The following F8 variants were observed in gnomAD, a reference collection of about 807,000 sequenced individuals.
The protein encoded by F8 is antihemophilic factor.
In F8, 12 loss-of-function variants were observed where a neutral mutation model predicts 140.6. The ratio of observed to expected loss-of-function variants is 0.09; its 90% CI spans 0.05 to 0.14. F8 has a LOEUF of 0.14. F8 is among the 10% of genes least tolerant of loss of function. The pLI is 1.00. For missense variants in F8, 1,354 were observed against 1,720.7 expected (o/e 0.79, Z 3.77); for synonymous variants, 585 against 614.6 (o/e 0.95, Z 0.71).
chrX:154,940,868 C>G (rs1405361321), intron 13 of F8, among the ~76,000 whole-genome samples: 3 of 112,089 alleles, frequency 2.7e-5, no homozygotes, highest in African/African-American at 9.7e-5. Flanking sequence ...ATTCAACATT[C>G]TTAAAGAAAA....
chrX:154,843,776 C>A (rs782190067), intron 25 of F8, among the ~76,000 whole-genome samples: 4 of 111,789 alleles, frequency 3.6e-5, no homozygotes, highest in Non-Finnish European at 7.5e-5. Context: ...TTTTGCTGTG[C>A]GGAAGCTCTT....
intron 20 of F8, among the ~76,000 whole-genome samples, chrX:154,900,623 T>C (rs1488787270): frequency 2.7e-5 from 3 of 112,499 alleles, no homozygotes; most frequent in African/African-American, 9.7e-5. Context: ...TTTTAAAATG[T>C]AACCCTTCCA....
intron 1 of F8, among the ~76,000 whole-genome samples, chrX:155,013,812 C>A (rs2124166064): frequency 9.0e-6 from 1 of 111,690 alleles, no homozygotes. Flanking sequence ...GAGCCCTCTT[C>A]CCAGCTGGTA....
intron 14 of F8, among the ~76,000 whole-genome samples, chrX:154,913,735 G>A (rs1557276913): frequency 8.9e-6 from 1 of 112,834 alleles, no homozygotes; most frequent in African/African-American, 3.2e-5. Context: ...GATACAAAAG[G>A]CAGGCTCCCA....
chrX:154,980,369 C>A (rs1429090139), intron 6 of F8, among the ~76,000 whole-genome samples: 1 of 111,134 alleles, frequency 9.0e-6, no homozygotes, highest in Non-Finnish European at 1.9e-5. Flanking sequence ...CCTTCAATTT[C>A]TCTGTTAAAT....
At chrX:154,877,395 G>T in intron 22 of F8, among the ~76,000 whole-genome samples, 1 of 112,187 alleles carries the variant, frequency 8.9e-6, no homozygotes, top group Non-Finnish European at 1.9e-5. Flanking sequence ...AGTCACAAAG[G>T]TGCAATGTTA....
At chrX:154,859,304 CTTTTTTT>C (rs782710528) in intron 25 of F8, among the ~76,000 whole-genome samples, 1 of 95,558 alleles carries the variant, frequency 1.0e-5, no homozygotes, top group Non-Finnish European at 2.1e-5. Context: ...AGCGTATTTT[CTTTTTTT>C]TTTTTTTTTG....
At chrX:154,985,293 G>A (rs1051844804) in intron 5 of F8, among the ~76,000 whole-genome samples, 8 of 110,385 alleles carry the variant, frequency 7.2e-5, no homozygotes, top group African/African-American at 1.3e-4. Context: ...CAAATTAGGC[G>A]GGCATGGTGG....
chrX:154,940,716 G>T (rs1025065768), intron 13 of F8, among the ~76,000 whole-genome samples: 2 of 111,817 alleles, frequency 1.8e-5, no homozygotes, highest in African/African-American at 3.3e-5. Context: ...ATAATTGTCA[G>T]ATTCACCAAA....
intron 1 of F8, among the ~76,000 whole-genome samples, chrX:155,018,070 G>A (rs1206070653): frequency 9.5e-6 from 1 of 105,230 alleles, no homozygotes; most frequent in Non-Finnish European, 1.9e-5. Context: ...GTTTTGCCAT[G>A]TTGGCTAGGC....
intron 25 of F8, among the ~76,000 whole-genome samples, chrX:154,848,577 C>T (rs782155212): frequency 8.9e-6 from 1 of 112,337 alleles, no homozygotes; most frequent in East Asian, 2.8e-4. Context: ...GGTGTGGGAC[C>T]CTCTGAGCCA....
At chrX:154,888,407 C>T (rs75274395) in intron 22 of F8, among the ~76,000 whole-genome samples, 1,616 of 7,179 alleles carry the variant, frequency 0.23, 51 homozygotes, top group African/African-American at 0.41. Flanking sequence ...TTTTTTTTTT[C>T]CCCCCGAGAT....
At chrX:154,872,940 C>T (rs1287743744) in intron 22 of F8, among the ~76,000 whole-genome samples, 5 of 110,379 alleles carry the variant, frequency 4.5e-5, no homozygotes, top group Non-Finnish European at 9.5e-5. Context: ...ACAATAGCAA[C>T]AAAAGAATAA....
At chrX:154,967,587 T>A (rs1056805423) in intron 7 of F8, among the ~76,000 whole-genome samples, 1 of 111,743 alleles carries the variant, frequency 8.9e-6, no homozygotes, top group Non-Finnish European at 1.9e-5. Flanking sequence ...AAGTGTTTGG[T>A]CTGAGGTTCA....
chrX:155,000,613 T>A (rs782044347), intron 1 of F8, among the ~76,000 whole-genome samples: 2 of 112,185 alleles, frequency 1.8e-5, no homozygotes, highest in South Asian at 7.4e-4. Flanking sequence ...CTTTCATGTG[T>A]AGATCTAAAA....
chrX:154,861,566 G>T, intron 24 of F8, 152 bp downstream of exon 24: 1 of 611,516 alleles, frequency 1.6e-6, no homozygotes, highest in Non-Finnish European at 2.7e-6. Context: ...AAATGCCTGT[G>T]TGGTTGTCTG....
At chrX:154,860,399 T>C (rs2072681030) in intron 25 of F8, 33 bp downstream of exon 25, 1 of 1,198,287 alleles carries the variant, frequency 8.3e-7, no homozygotes. Flanking sequence ...ATTTTTTTTC[T>C]TTCTTTCTTT....
At chrX:154,848,370 G>T (rs1482881956) in intron 25 of F8, among the ~76,000 whole-genome samples, 1 of 112,847 alleles carries the variant, frequency 8.9e-6, no homozygotes, top group Non-Finnish European at 1.9e-5. Context: ...GTTTGTCTTT[G>T]CCCTGCCCCC....
intron 6 of F8, among the ~76,000 whole-genome samples, chrX:154,983,514 G>C: frequency 9.0e-6 from 1 of 111,180 alleles, no homozygotes; most frequent in East Asian, 2.8e-4. Context: ...GGTGCCAGTT[G>C]GGACAAATGT....
Sources: gnomAD v4.1 joint callset for allele counts (sites outside exome capture counted in the v4.1 genomes callset) on GRCh38, gnomAD v4.1.1 for gene constraint, MANE v1.5 for transcripts, NCBI Gene and HGNC (gene_info 2026-07-23, HGNC 2026-07-21) for gene names.